Variants in GABPB1 observed in about 807,000 individuals in gnomAD.
GABPB1 encodes the protein GA binding protein transcription factor subunit beta 1.
GABPB1 carries 15 observed loss-of-function variants against 45.9 expected under a neutral mutation model. That is an observed-to-expected ratio of 0.33 (90% CI 0.22 to 0.50). The LOEUF (loss-of-function observed/expected upper bound fraction) is 0.50, where lower values mean the gene tolerates loss of function less well. GABPB1 is among the 20% of genes least tolerant of loss of function. GABPB1 has a pLI of 0.98. For missense variants in GABPB1, 252 were observed against 457.5 expected (o/e 0.55, Z 4.10); for synonymous variants, 143 against 154.4 (o/e 0.93, Z 0.55).
Position 50,332,725 on chromosome 15 carries a change from T to C in GABPB1, c.-1+22260A>G, listed in dbSNP as rs147545496. Among the ~76,000 whole-genome samples, 584 of 152,254 alleles carry C rather than the reference T, an allele frequency of 3.8e-3. 3 individuals are homozygous for C. The highest frequency in any genetic ancestry group is 0.013 in the African/African-American group (561 of 41,574). On this transcript the variant is annotated intron_variant, in intron 1 of 8. Transcript: ENST00000380877. ...AAGGATTCATTATACTCTTCTCTTTTACATATTTAAAATTTTCCATAAGAG... is the reference window on the plus strand; with the variant it reads ...AAGGATTCATTATACTCTTCTCTTTCACATATTTAAAATTTTCCATAAGAG...
intron 1 of GABPB1, among the ~76,000 whole-genome samples, chr15:50,320,198 G>T (rs1383857726): frequency 6.6e-6 from 1 of 152,094 alleles, no homozygotes; most frequent in Non-Finnish European, 1.5e-5. Context: ...ATGGAGTTTC[G>T]CTCTTGTTGC....
intron 1 of GABPB1, chr15:50,353,964 G>A (rs185829592): frequency 1.2e-4 from 19 of 162,024 alleles, no homozygotes; most frequent in Non-Finnish European, 2.6e-4. Flanking sequence ...TGTGGTCTCG[G>A]CCCCTCCTTT....
At chr15:50,354,385 C>T in intron 1 of GABPB1, 1 of 452,618 alleles carries the variant, frequency 2.2e-6, no homozygotes, top group South Asian at 1.6e-5. Context: ...TTCCATTAAC[C>T]CTGTCTGGTC....
intron 8 of GABPB1, among the ~76,000 whole-genome samples, chr15:50,281,478 T>C (rs975910583): frequency 6.6e-6 from 1 of 152,336 alleles, no homozygotes; most frequent in Non-Finnish European, 1.5e-5. Context: ...CCCAAAGTGC[T>C]AGGATTACAG....
intron 1 of GABPB1, among the ~76,000 whole-genome samples, chr15:50,321,637 G>A (rs948985360): frequency 2.0e-5 from 3 of 151,662 alleles, no homozygotes; most frequent in African/African-American, 7.3e-5. Flanking sequence ...AGGAGGCAGA[G>A]GTTGCAGCGA....
chr15:50,305,903 T>C (rs1183801311), intron 2 of GABPB1, among the ~76,000 whole-genome samples: 5 of 152,124 alleles, frequency 3.3e-5, no homozygotes, highest in Non-Finnish European at 7.3e-5. Context: ...TCCCTCAGCC[T>C]CCCGAAGTGC....
rs1300926212 is a variant in GABPB1 at position 50,277,441 on chromosome 15, AAAAAAG to A, written c.*1185_*1190del. ...TTTGAAGTAATATTTTACCAAAAAA[AAAAAAG>A]AAAAAGTGAACAGTCTGCCAGTGTT... On this transcript the variant is annotated 3_prime_UTR_variant, in exon 9 of 9. Transcript: ENST00000380877. 6.6e-6 allele frequency: 1 copy of A among 152,038 alleles called. No individual in the cohort carries two copies. The highest frequency in any genetic ancestry group is 6.5e-5 in the Admixed American group (1 of 15,272). The allele number at this position is 152,038 out of a possible 1,614,324, so 9.4% of individuals were successfully genotyped here.
intron 6 of GABPB1, among the ~76,000 whole-genome samples, chr15:50,298,197 T>C (rs1380428600): frequency 2.0e-5 from 3 of 152,094 alleles, no homozygotes; most frequent in African/African-American, 7.2e-5. Context: ...GCTCAAGTGA[T>C]CCTCCCACCT....
chr15:50,333,477 G>A (rs1360019934), intron 1 of GABPB1, among the ~76,000 whole-genome samples: 1 of 151,952 alleles, frequency 6.6e-6, no homozygotes, highest in African/African-American at 2.4e-5. Context: ...CTCCAGCCTG[G>A]GTGACAGAGT....
At chr15:50,292,941 T>C (rs1454914017) in intron 6 of GABPB1, among the ~76,000 whole-genome samples, 1 of 151,910 alleles carries the variant, frequency 6.6e-6, no homozygotes, top group Admixed American at 6.6e-5. Context: ...AGGTGAAAGT[T>C]ATACAGGTTC....
At chr15:50,313,573 T>A (rs958658947) in intron 1 of GABPB1, among the ~76,000 whole-genome samples, 1 of 152,088 alleles carries the variant, frequency 6.6e-6, no homozygotes, top group African/African-American at 2.4e-5. Flanking sequence ...ATATTATATA[T>A]AACTCTTCTA....
At chr15:50,296,905 C>CTTTTTTTTTTTTTTTTTTTTTTTTT (rs72486745) in intron 6 of GABPB1, among the ~76,000 whole-genome samples, 1 of 91,380 alleles carries the variant, frequency 1.1e-5, no homozygotes, top group Non-Finnish European at 2.1e-5. Context: ...TAACTTAATT[C>CTTTTTTTTTTTTTTTTTTTTTTTTT]TTTTTTTTTT....
chr15:50,330,864 AAGT>A (rs993983883), intron 1 of GABPB1, among the ~76,000 whole-genome samples: 4 of 152,170 alleles, frequency 2.6e-5, no homozygotes, highest in African/African-American at 4.8e-5. Context: ...AGAAGTAAAT[AAGT>A]AGTAGTAGTA....
intron 1 of GABPB1, among the ~76,000 whole-genome samples, chr15:50,318,236 A>G (rs1374202707): frequency 6.6e-6 from 1 of 152,138 alleles, no homozygotes; most frequent in East Asian, 1.9e-4. Flanking sequence ...CCTTATTCTC[A>G]ATTCTTCCTG....
At chr15:50,318,292 C>T (rs2047423594) in intron 1 of GABPB1, among the ~76,000 whole-genome samples, 1 of 152,170 alleles carries the variant, frequency 6.6e-6, no homozygotes. Flanking sequence ...ATATAAAGGG[C>T]ATGTCCTCCA....
At chr15:50,304,613 A>T (rs565885358) in intron 2 of GABPB1, among the ~76,000 whole-genome samples, 3 of 152,156 alleles carry the variant, frequency 2.0e-5, no homozygotes, top group African/African-American at 7.2e-5. Flanking sequence ...CAGGAGGCTA[A>T]GGCAGGAGAA....
chr15:50,319,608 C>T (rs564952175), intron 1 of GABPB1, among the ~76,000 whole-genome samples: 15 of 152,208 alleles, frequency 9.9e-5, no homozygotes, highest in South Asian at 8.3e-4. Context: ...GAGGCTGAGG[C>T]GGGCAAATCA....
chr15:50,343,810 T>A (rs561689101), intron 1 of GABPB1, among the ~76,000 whole-genome samples: 4 of 152,326 alleles, frequency 2.6e-5, no homozygotes, highest in African/African-American at 9.6e-5. Flanking sequence ...GTGCTGGGAT[T>A]ACAGGCATGA....
chr15:50,294,430 T>C (rs1475941222), intron 6 of GABPB1, among the ~76,000 whole-genome samples: 2 of 152,008 alleles, frequency 1.3e-5, no homozygotes, highest in Non-Finnish European at 2.9e-5. Flanking sequence ...AGGAGAATGG[T>C]GTGAACCTGG....
Sources: gnomAD v4.1 joint callset for allele counts (sites outside exome capture counted in the v4.1 genomes callset) on GRCh38, gnomAD v4.1.1 for gene constraint, MANE v1.5 for transcripts, NCBI Gene and HGNC (gene_info 2026-07-23, HGNC 2026-07-21) for gene names.